Variants in RGS6 observed in about 807,000 individuals in gnomAD.
RGS6 encodes regulator of G-protein signaling 6.
Under a neutral mutation model 78.5 loss-of-function variants are expected in RGS6, and 30 were observed. That is an observed-to-expected ratio of 0.38 (90% confidence interval 0.29 to 0.52). The LOEUF is 0.52. Ranked by LOEUF, RGS6 falls within the 20% of genes least tolerant of loss-of-function variation. The probability of loss-of-function intolerance (pLI) is 0.85; values close to 1 mark genes in which losing one functional copy is unlikely to be tolerated. For synonymous variants in RGS6, 206 were observed against 206.0 expected (o/e 1.00, Z 0.00); for missense variants, 495 against 609.7 (o/e 0.81, Z 1.98).
intron 2 of RGS6, among the ~76,000 whole-genome samples, chr14:72,284,721 C>T (rs1406860573): frequency 6.6e-6 from 1 of 152,214 alleles, no homozygotes; most frequent in African/African-American, 2.4e-5. Flanking sequence ...GGGCCACCAT[C>T]TTCCAGACCC....
chr14:72,505,796 G>A (rs2153435715), intron 13 of RGS6, among the ~76,000 whole-genome samples: 1 of 152,262 alleles, frequency 6.6e-6, no homozygotes, highest in South Asian at 2.1e-4. Context: ...ATTTAAATAG[G>A]GCACTGTAAG....
At chr14:72,238,505 A>G (rs2051797364) in intron 2 of RGS6, among the ~76,000 whole-genome samples, 1 of 152,054 alleles carries the variant, frequency 6.6e-6, no homozygotes, top group Non-Finnish European at 1.5e-5. Flanking sequence ...TGCCACAGTT[A>G]CGGTCTTTGA....
At position 72,355,343 on chromosome 14, in the gene RGS6, G is replaced by A. The variant is rs538355922; in HGVS notation, c.184+3149G>A. ...TGAGTAGCTGGGATTACAGGCATCC[G>A]CCACCACACCTGGCTAATTTTTTGT... On this transcript the variant is annotated intron_variant, in intron 3 of 17. Coordinates refer to ENST00000553525, the MANE Select transcript of RGS6 (RefSeq NM_001204424.2). Among the ~76,000 whole-genome samples, 15 of 151,916 alleles carry A rather than the reference G, an allele frequency of 9.9e-5. No individual in the cohort carries two copies. In the East Asian group the frequency reaches 1.7e-3, roughly 18 times the overall value.
chr14:72,487,651 A>G (rs189827551), intron 12 of RGS6, among the ~76,000 whole-genome samples: 136 of 152,362 alleles, frequency 8.9e-4, no homozygotes, highest in African/African-American at 3.2e-3. Context: ...GAGCCAAGGA[A>G]TGCAGGGAGC....
intron 1 of RGS6, among the ~76,000 whole-genome samples, chr14:71,946,042 C>A (rs1289094084): frequency 6.6e-6 from 1 of 152,090 alleles, no homozygotes; most frequent in Non-Finnish European, 1.5e-5. Context: ...GACCATACAT[C>A]CTAATACAAA....
At chr14:72,536,094 C>T (rs1432119091) in intron 15 of RGS6, 92 bp from the exon 16 acceptor site, 3 of 1,015,906 alleles carry the variant, frequency 3.0e-6, no homozygotes, top group Non-Finnish European at 4.6e-6. Context: ...TCCTTCATCT[C>T]CTTCCCCAAA....
intron 2 of RGS6, among the ~76,000 whole-genome samples, chr14:72,161,641 A>G (rs541963981): frequency 6.6e-6 from 1 of 152,184 alleles, no homozygotes; most frequent in African/African-American, 2.4e-5. Flanking sequence ...TATTACTGAA[A>G]TATTCTGTTT....
chr14:72,149,732 AATTC>A (rs1169021414), intron 2 of RGS6, among the ~76,000 whole-genome samples: 3 of 151,762 alleles, frequency 2.0e-5, no homozygotes, highest in Non-Finnish European at 4.4e-5. Context: ...CTGATAAAAT[AATTC>A]ATGCCAATTT....
intron 2 of RGS6, among the ~76,000 whole-genome samples, chr14:72,193,815 A>G (rs539029495): frequency 2.0e-5 from 3 of 152,186 alleles, no homozygotes; most frequent in Non-Finnish European, 4.4e-5. Context: ...GTCCAAGGCA[A>G]AGTGACTATC....
chr14:72,216,909 A>G (rs569761845), intron 2 of RGS6, among the ~76,000 whole-genome samples: 117 of 152,318 alleles, frequency 7.7e-4, no homozygotes, highest in African/African-American at 2.6e-3. Flanking sequence ...AAAAAAATTT[A>G]CTTTACAAAT....
chr14:72,466,385 C>T (rs747406822), intron 7 of RGS6, among the ~76,000 whole-genome samples: 15 of 152,198 alleles, frequency 9.9e-5, no homozygotes, highest in Non-Finnish European at 2.2e-4. Flanking sequence ...CTTGTATATA[C>T]ATACCCTAGA....
At chr14:72,416,551 A>C (rs1296035369) in intron 3 of RGS6, among the ~76,000 whole-genome samples, 1 of 152,212 alleles carries the variant, frequency 6.6e-6, no homozygotes, top group East Asian at 1.9e-4. Context: ...AAGAAAAAAA[A>C]AATTAAGCTG....
chr14:72,126,090 A>G (rs1208915771), intron 2 of RGS6, among the ~76,000 whole-genome samples: 1 of 152,236 alleles, frequency 6.6e-6, no homozygotes, highest in African/African-American at 2.4e-5. Flanking sequence ...TTTCAGAGTC[A>G]TCTGCCCAAG....
At chr14:71,929,217 C>T (rs1056684283), upstream of RGS6, among the ~76,000 whole-genome samples, 1 of 152,166 alleles carries the variant, frequency 6.6e-6, no homozygotes, top group Non-Finnish European at 1.5e-5. Context: ...ACTGATTGTG[C>T]CACAAAAGTC....
At chr14:72,432,266 G>A (rs1056849712) in intron 3 of RGS6, among the ~76,000 whole-genome samples, 3 of 152,292 alleles carry the variant, frequency 2.0e-5, no homozygotes, top group East Asian at 3.9e-4. Context: ...GTTGATGGGC[G>A]TGGCCCAGTT....
intron 2 of RGS6, among the ~76,000 whole-genome samples, chr14:72,234,987 T>C (rs2050642998): frequency 6.6e-6 from 1 of 152,202 alleles, no homozygotes; most frequent in Admixed American, 6.5e-5. Flanking sequence ...ATTCTTGTCC[T>C]CGTTTTACAA....
chr14:72,535,885 C>T (rs1334002533), intron 15 of RGS6, among the ~76,000 whole-genome samples: 1 of 152,202 alleles, frequency 6.6e-6, no homozygotes, highest in South Asian at 2.1e-4. Flanking sequence ...GTTTGTTCCT[C>T]CTCATTGCCA....
At chr14:72,184,637 G>T (rs1432167718) in intron 2 of RGS6, among the ~76,000 whole-genome samples, 2 of 152,066 alleles carry the variant, frequency 1.3e-5, no homozygotes, top group African/African-American at 4.8e-5. Context: ...CAGAAGGGGG[G>T]ACTTGGGCAT....
the RGS6 span, among the ~76,000 whole-genome samples, chr14:71,879,507 C>T: frequency 2.0e-5 from 3 of 152,134 alleles, no homozygotes; most frequent in Non-Finnish European, 2.9e-5. Context: ...CCATAATTCC[C>T]ATGTGTTGTG....
Sources: allele counts gnomAD v4.1 joint callset (sites outside exome capture counted in the v4.1 genomes callset), GRCh38; gene constraint gnomAD v4.1.1; transcripts MANE v1.5; gene names NCBI Gene and HGNC (gene_info 2026-07-23, HGNC 2026-07-21).